Variants in NFIA observed in about 807,000 individuals in gnomAD.
The protein encoded by NFIA is nuclear factor I A.
A neutral mutation model predicts 62.8 loss-of-function variants in NFIA; 8 were observed. The observed-to-expected ratio is 0.13, with a 90% CI of 0.07 to 0.23. The LOEUF (loss-of-function observed/expected upper bound fraction) is 0.23. Among genes scored for constraint, NFIA ranks in the 10% least tolerant of loss-of-function variants. NFIA has a pLI of 1.00. For missense variants in NFIA, 410 were observed against 642.1 expected, an observed-to-expected ratio of 0.64 and a Z score of 3.91; for synonymous variants, 235 against 238.1, an observed-to-expected ratio of 0.99 and a Z score of 0.12.
chr1:61,341,831 T>G (rs1055457230), intron 4 of NFIA, among the ~76,000 whole-genome samples: 1 of 152,194 alleles, frequency 6.6e-6, no homozygotes, highest in Non-Finnish European at 1.5e-5. Flanking sequence ...CCTCAACTTT[T>G]TAATGGTGGA....
intron 6 of NFIA, among the ~76,000 whole-genome samples, chr1:61,366,672 C>G (rs889830468): frequency 1.3e-5 from 2 of 152,148 alleles, no homozygotes; most frequent in African/African-American, 4.8e-5. Context: ...CCTGTAATCC[C>G]AGCACTTTGG....
rs1197292216 is a variant in NFIA, at chr1:61,088,059, G to C, written c.28-90G>C. The C allele has an allele frequency of 1.5e-6, 2 of 1,297,486 alleles. No individual in the cohort carries two copies. Among genetic ancestry groups the C allele is most frequent in the Non-Finnish European group, 1.1e-6 (1 of 941,442 alleles). The allele number at this position is 1,297,486 out of a possible 1,614,324, so 80.4% of individuals were successfully genotyped here. Reference sequence around the variant, plus strand: ...CTAATCAAATTTCAAGTGAAATGAGGAATTTCTTTCTTAAGGTGACCCGCT... The same window carrying C: ...CTAATCAAATTTCAAGTGAAATGAGCAATTTCTTTCTTAAGGTGACCCGCT... On this transcript the variant is annotated intron_variant, in intron 1 of 10. Coordinates refer to ENST00000403491, the MANE Select transcript of NFIA (RefSeq NM_001134673.4). The surrounding 1 kb of genome is among the most constrained non-coding windows in gnomAD (Gnocchi z 4.5).
chr1:61,379,717 T>C (rs1664324171), intron 6 of NFIA, among the ~76,000 whole-genome samples: 1 of 151,992 alleles, frequency 6.6e-6, no homozygotes, highest in Non-Finnish European at 1.5e-5. Flanking sequence ...CAGCTAACTT[T>C]TAAAAATTAA....
intron 2 of NFIA, among the ~76,000 whole-genome samples, chr1:61,139,429 G>A (rs375354284): frequency 6.6e-6 from 1 of 152,148 alleles, no homozygotes; most frequent in Non-Finnish European, 1.5e-5. Flanking sequence ...GCCTGTAGCC[G>A]ACTCTTAATC....
intron 2 of NFIA, among the ~76,000 whole-genome samples, chr1:61,207,318 C>T (rs1307318898): frequency 2.0e-5 from 3 of 152,094 alleles, no homozygotes; most frequent in Non-Finnish European, 4.4e-5. Context: ...ACAATAGACC[C>T]ATTTCACATC....
At chr1:61,190,627 T>C (rs1265952247) in intron 2 of NFIA, among the ~76,000 whole-genome samples, 6 of 152,164 alleles carry the variant, frequency 3.9e-5, no homozygotes, top group Non-Finnish European at 8.8e-5. Context: ...TATTGTGATA[T>C]ACCTGATTGT....
At chr1:61,227,027 C>T (rs1352383502) in intron 2 of NFIA, among the ~76,000 whole-genome samples, 1 of 152,190 alleles carries the variant, frequency 6.6e-6, no homozygotes, top group Non-Finnish European at 1.5e-5. Context: ...CTCAAACGCC[C>T]ATTTTGAATG....
intron 2 of NFIA, among the ~76,000 whole-genome samples, chr1:61,203,335 T>G (rs1279851049): frequency 2.0e-5 from 3 of 152,170 alleles, no homozygotes; most frequent in African/African-American, 7.2e-5. Flanking sequence ...AGTATAAAAG[T>G]GAGCGCTTCA....
At chr1:61,400,690 G>T (rs893701255) in intron 7 of NFIA, among the ~76,000 whole-genome samples, 8 of 152,102 alleles carry the variant, frequency 5.3e-5, no homozygotes, top group Admixed American at 1.3e-4. Context: ...CAAAAATCTG[G>T]ACTCATACCA....
intron 10 of NFIA, among the ~76,000 whole-genome samples, chr1:61,446,680 C>T (rs1667825826): frequency 6.6e-6 from 1 of 152,128 alleles, no homozygotes; most frequent in East Asian, 1.9e-4. Context: ...GGCAAAAGGC[C>T]AGATCTTCTG....
Position 61,276,664 on chromosome 1 carries a change from T to C in NFIA, c.560-856T>C, listed in dbSNP as rs558389379. Among the ~76,000 whole-genome samples the C allele has an allele frequency of 5.9e-5, 9 of 152,300 alleles. No individual in the cohort carries two copies. The South Asian group carries it at 1.9e-3, about 32-fold the overall frequency. ...TCTCCTCTCCCCAAAAACTGTACCA[T>C]AAATATGCTTGTTTCTAATTTTGTG... is the stretch of plus-strand genomic sequence containing the variant. On this transcript the variant is annotated intron_variant, in intron 2 of 10. Coordinates refer to ENST00000403491, the MANE Select transcript of NFIA (RefSeq NM_001134673.4).
At chr1:61,101,074 A>C (rs778407835) in intron 2 of NFIA, among the ~76,000 whole-genome samples, 1 of 152,056 alleles carries the variant, frequency 6.6e-6, no homozygotes, top group Non-Finnish European at 1.5e-5. Context: ...AAGCAGACAG[A>C]AGATGGTGCA....
At chr1:61,140,820 T>C (rs1482506266) in intron 2 of NFIA, among the ~76,000 whole-genome samples, 1 of 152,080 alleles carries the variant, frequency 6.6e-6, no homozygotes, top group Non-Finnish European at 1.5e-5. Context: ...AGAAACTTCA[T>C]TATACAAAAG....
rs942397436 is a variant in NFIA at position 61,399,820 on chromosome 1, A to G, written c.1076-4284A>G. 1.8e-4 allele frequency among the ~76,000 whole-genome samples: 27 copies of G among 152,178 alleles called. 1 individual carries two copies. Among genetic ancestry groups the G allele is most frequent in the Non-Finnish European group, 1.5e-5 (1 of 68,022 alleles). On this transcript the variant is annotated intron_variant, in intron 7 of 10. Transcript: ENST00000403491. ...CTCTTAAGAGCACTCTTATGTGTCT[A>G]CAAGACCTCCTCCCCATAGTGGACT...
chr1:61,232,408 A>G (rs1654734480), intron 2 of NFIA, among the ~76,000 whole-genome samples: 1 of 152,234 alleles, frequency 6.6e-6, no homozygotes, highest in Non-Finnish European at 1.5e-5. Flanking sequence ...GCAATATTAC[A>G]TAAAAGTTTT....
chr1:61,133,509 C>T (rs1418819328), intron 2 of NFIA, among the ~76,000 whole-genome samples: 2 of 152,072 alleles, frequency 1.3e-5, no homozygotes, highest in African/African-American at 4.8e-5. Flanking sequence ...TAGAACAGTG[C>T]CTGACATACA....
At position 61,315,991 on chromosome 1, in the gene NFIA, G is replaced by A. The variant is rs72666615; in HGVS notation, c.626-16521G>A. Among the ~76,000 whole-genome samples, 438 of 152,286 alleles carry A rather than the reference G, an allele frequency of 2.9e-3. 1 individual carries two copies. The highest frequency in any genetic ancestry group is 4.4e-3 in the Non-Finnish European group (299 of 68,018). ...TTAGTGCAGTGAACACACCTTCTCAGCAACAACAAAAGGAGATCAGGGAGG... is the reference window on the plus strand; with the variant it reads ...TTAGTGCAGTGAACACACCTTCTCAACAACAACAAAAGGAGATCAGGGAGG... On this transcript the variant is annotated intron_variant, in intron 3 of 10. Transcript: ENST00000403491.
intron 10 of NFIA, among the ~76,000 whole-genome samples, chr1:61,438,818 C>T (rs1051126857): frequency 1.3e-5 from 2 of 152,034 alleles, no homozygotes; most frequent in Non-Finnish European, 1.5e-5. Context: ...TTTATTTTGT[C>T]AGATACACAG....
At chr1:61,166,975 A>G (rs1649613381) in intron 2 of NFIA, among the ~76,000 whole-genome samples, 1 of 152,096 alleles carries the variant, frequency 6.6e-6, no homozygotes, top group African/African-American at 2.4e-5. Context: ...CCCCATCTCT[A>G]CTAAAAATAC....
Sources: gnomAD v4.1 joint callset for allele counts (sites outside exome capture counted in the v4.1 genomes callset) on GRCh38, gnomAD v4.1.1 for gene constraint, Gnocchi (gnomAD v3.1) non-coding constraint, MANE v1.5 for transcripts, NCBI Gene and HGNC (gene_info 2026-07-23, HGNC 2026-07-21) for gene names.